Variants in OSBPL10 observed in about 807,000 individuals in gnomAD.
OSBPL10 encodes oxysterol-binding protein-related protein 10.
A neutral mutation model predicts 81.7 loss-of-function variants in OSBPL10; 49 were observed. That is an observed-to-expected ratio of 0.60 (90% CI 0.48 to 0.76). OSBPL10 has a LOEUF of 0.76. OSBPL10 is among the 30% of genes least tolerant of loss of function. OSBPL10 has a pLI of 0.00. For missense variants in OSBPL10, 923 were observed against 987.8 expected (o/e 0.93, Z 0.88); for synonymous variants, 419 against 383.6 (o/e 1.09, Z -1.08).
At chr3:31,923,132 G>A (rs1696965235) in intron 1 of OSBPL10, among the ~76,000 whole-genome samples, 1 of 152,110 alleles carries the variant, frequency 6.6e-6, no homozygotes, top group Non-Finnish European at 1.5e-5. Context: ...GGTTTCCCAG[G>A]GTAACCACTC....
chr3:31,910,807 C>T (rs1376746992), intron 1 of OSBPL10, among the ~76,000 whole-genome samples: 1 of 152,136 alleles, frequency 6.6e-6, no homozygotes, highest in Non-Finnish European at 1.5e-5. Flanking sequence ...TTAACCAAAT[C>T]CATGAGTCTC....
chr3:31,809,490 T>G (rs1699614806), intron 4 of OSBPL10, among the ~76,000 whole-genome samples: 1 of 152,194 alleles, frequency 6.6e-6, no homozygotes, highest in South Asian at 2.1e-4. Context: ...CAGATGTCAG[T>G]CCTTAAATAA....
chr3:32,068,241 T>C (rs1193555036), intron 1 of OSBPL10, among the ~76,000 whole-genome samples: 1 of 152,202 alleles, frequency 6.6e-6, no homozygotes, highest in Non-Finnish European at 1.5e-5. Flanking sequence ...CTTCCCTTGG[T>C]GTTTAATCAC....
chr3:31,925,229 TG>T (rs1338895818), intron 1 of OSBPL10, among the ~76,000 whole-genome samples: 1 of 152,108 alleles, frequency 6.6e-6, no homozygotes. Context: ...CACACTCCCT[TG>T]CCCGGGAGGT....
At chr3:31,753,865 G>A (rs1697799057) in intron 4 of OSBPL10, among the ~76,000 whole-genome samples, 1 of 152,284 alleles carries the variant, frequency 6.6e-6, no homozygotes, top group African/African-American at 2.4e-5. Context: ...CTTGGAGACA[G>A]AGCCAGTGCC....
intron 6 of OSBPL10, among the ~76,000 whole-genome samples, chr3:31,718,584 C>T (rs931097944): frequency 6.6e-6 from 1 of 152,154 alleles, no homozygotes; most frequent in Non-Finnish European, 1.5e-5. Flanking sequence ...GATCATGAAA[C>T]GCATCCTTCA....
At chr3:32,005,748 C>T (rs1225754737) in intron 2 of OSBPL10, among the ~76,000 whole-genome samples, 2 of 151,760 alleles carry the variant, frequency 1.3e-5, no homozygotes, top group East Asian at 1.9e-4. Flanking sequence ...CCGCCATGCC[C>T]AGCTAATTTT....
intron 2 of OSBPL10, among the ~76,000 whole-genome samples, chr3:31,995,004 A>G (rs1699075301): frequency 6.6e-6 from 1 of 152,208 alleles, no homozygotes; most frequent in African/African-American, 2.4e-5. Flanking sequence ...TCAGGATTTC[A>G]AAAGGGGAAG....
chr3:31,951,731 AT>A (rs1351370577), intron 1 of OSBPL10, among the ~76,000 whole-genome samples: 2 of 151,080 alleles, frequency 1.3e-5, no homozygotes, highest in African/African-American at 4.8e-5. Flanking sequence ...ATAATTATAT[AT>A]TTAAATTATA....
At chr3:32,070,625 C>G (rs956920045) in intron 1 of OSBPL10, among the ~76,000 whole-genome samples, 1 of 152,208 alleles carries the variant, frequency 6.6e-6, no homozygotes, top group African/African-American at 2.4e-5. Context: ...TTGCTTGCTA[C>G]AGCATGGGCT....
chr3:31,910,926 G>A (rs1696556121), intron 1 of OSBPL10, among the ~76,000 whole-genome samples: 1 of 152,192 alleles, frequency 6.6e-6, no homozygotes, highest in South Asian at 2.1e-4. Context: ...TAACCCAGCA[G>A]GCTGTCTTCT....
chr3:31,882,172 G>A (rs1467280920), intron 1 of OSBPL10, among the ~76,000 whole-genome samples: 1 of 152,152 alleles, frequency 6.6e-6, no homozygotes, highest in African/African-American at 2.4e-5. Context: ...TGACTGCCCG[G>A]GTGGCAGTCC....
At chr3:31,927,996 C>T (rs773202950) in intron 1 of OSBPL10, among the ~76,000 whole-genome samples, 2 of 152,168 alleles carry the variant, frequency 1.3e-5, no homozygotes, top group South Asian at 2.1e-4. Context: ...GGATAGGTTG[C>T]ATGGAGAGAA....
chr3:31,761,574 T>G (rs1285984571), intron 4 of OSBPL10, among the ~76,000 whole-genome samples: 1 of 151,822 alleles, frequency 6.6e-6, no homozygotes, highest in Non-Finnish European at 1.5e-5. Flanking sequence ...CCCAGCACTT[T>G]GGGAGGCCGA....
chr3:31,875,623 T>C (rs1701451368), intron 3 of OSBPL10, among the ~76,000 whole-genome samples: 1 of 150,828 alleles, frequency 6.6e-6, no homozygotes, highest in Admixed American at 6.6e-5. Flanking sequence ...AACAGCCAGG[T>C]GTATCTAAGT....
At chr3:31,917,321 A>C (rs1198771899) in intron 1 of OSBPL10, among the ~76,000 whole-genome samples, 5 of 152,206 alleles carry the variant, frequency 3.3e-5, no homozygotes, top group Non-Finnish European at 7.3e-5. Flanking sequence ...TATAGTGAAA[A>C]GCTATTAACG....
Position 31,665,415 on chromosome 3 carries a change from A to C in OSBPL10, c.2097-1183T>G, listed in dbSNP as rs112450868. On this transcript the variant is annotated intron_variant, in intron 10 of 11. Coordinates refer to ENST00000396556, the MANE Select transcript of OSBPL10 (RefSeq NM_017784.5). ...ATCTTTAGGTCCTGGGCCGGGGAGC[A>C]TATCTACAGCGGGTGTCCTTAACCC... Among the ~76,000 whole-genome samples the C allele has an allele frequency of 2.6e-3, 400 of 152,280 alleles. 2 individuals are homozygous for C. The highest frequency in any genetic ancestry group is 9.4e-3 in the African/African-American group (392 of 41,572).
intron 2 of OSBPL10, among the ~76,000 whole-genome samples, chr3:32,014,292 T>C (rs1333713644): frequency 1.3e-5 from 2 of 152,214 alleles, no homozygotes; most frequent in African/African-American, 4.8e-5. Flanking sequence ...TGGTTCAACA[T>C]ATGCAAATCA....
chr3:31,863,412 A>T (rs1701104723), intron 3 of OSBPL10, among the ~76,000 whole-genome samples: 1 of 152,228 alleles, frequency 6.6e-6, no homozygotes, highest in Admixed American at 6.5e-5. Flanking sequence ...TACATACTTT[A>T]AAAAAGTAAA....
Sources: gnomAD v4.1 joint callset for allele counts (sites outside exome capture counted in the v4.1 genomes callset) on GRCh38, gnomAD v4.1.1 for gene constraint, MANE v1.5 for transcripts, NCBI Gene and HGNC (gene_info 2026-07-23, HGNC 2026-07-21) for gene names.